DNAH8: variants seen among roughly 807,000 people sequenced by gnomAD.
DNAH8 encodes dynein axonemal heavy chain 8.
Under a neutral mutation model 562.1 loss-of-function variants are expected in DNAH8, and 382 were observed. The observed-to-expected ratio is 0.68, with a 90% CI of 0.63 to 0.74. The LOEUF (loss-of-function observed/expected upper bound fraction) is 0.74, where lower values mean the gene tolerates loss of function less well. Among genes scored for constraint, DNAH8 ranks in the 30% least tolerant of loss-of-function variants. The pLI is 0.00. For synonymous variants in DNAH8, 1,881 were observed against 1,919.4 expected, an observed-to-expected ratio of 0.98 and a Z score of 0.52; for missense variants, 5,203 against 5,620.4, an observed-to-expected ratio of 0.93 and a Z score of 2.37.
At chr6:38,878,254 A>C (rs1037193361) in intron 53 of DNAH8, among the ~76,000 whole-genome samples, 20 of 152,242 alleles carry the variant, frequency 1.3e-4, no homozygotes, top group African/African-American at 4.8e-4. Flanking sequence ...GCTTCAGCCC[A>C]AAACAGCAGA....
chr6:38,944,697 C>T (rs185973530), intron 79 of DNAH8, among the ~76,000 whole-genome samples: 1 of 152,306 alleles, frequency 6.6e-6, no homozygotes, highest in East Asian at 1.9e-4. Context: ...AACTCATTCT[C>T]CACTGGACTC....
rs552357174 is a variant in DNAH8 at position 38,868,140 on chromosome 6, G to A, written c.6772G>A (p.Asp2258Asn). The A allele has an allele frequency of 2.5e-5, 41 of 1,613,900 alleles. No individual in the cohort carries two copies. In the South Asian group the frequency reaches 3.4e-4, roughly 13 times the overall value. ...LGSQKRARPE[D>N]SELSIVMRGL... Reference sequence around the variant, plus strand: ...ATCTCAAAAAAGAGCCAGACCAGAAGATAGTGAATTAAGCATTGTCATGAG... The same window carrying A: ...ATCTCAAAAAAGAGCCAGACCAGAAAATAGTGAATTAAGCATTGTCATGAG... Residue 2258 changes from aspartate to asparagine, a missense_variant, in exon 48 of 93, where the codon GAT becomes AAT. Coordinates refer to ENST00000327475, the MANE Select transcript of DNAH8 (RefSeq NM_001206927.2).
At chr6:38,762,960 A>T (rs1766664372) in intron 11 of DNAH8, 1 of 336,652 alleles carries the variant, frequency 3.0e-6, no homozygotes, top group African/African-American at 2.2e-5. Flanking sequence ...GATCCCAAGG[A>T]CTGGAAGAAT....
chr6:39,016,136 T>C (rs1766550681), intron 91 of DNAH8, among the ~76,000 whole-genome samples: 3 of 152,214 alleles, frequency 2.0e-5, no homozygotes, highest in Admixed American at 1.3e-4. Flanking sequence ...CTATTTGACA[T>C]CAACAGTTGA....
intron 18 of DNAH8, among the ~76,000 whole-genome samples, chr6:38,788,189 G>A (rs534009814): frequency 6.7e-6 from 1 of 149,066 alleles, no homozygotes; most frequent in East Asian, 2.0e-4. Context: ...GTCTTGCTCT[G>A]TTGCCAGGCT....
At chr6:38,868,294 C>T (rs1777214121) in intron 48 of DNAH8, 98 bp downstream of exon 48, 2 of 1,198,726 alleles carry the variant, frequency 1.7e-6, no homozygotes, top group African/African-American at 1.5e-5. Flanking sequence ...CTGTGAGCAC[C>T]CATAATTACA....
At chr6:38,938,674 G>C (rs1310129019) in intron 78 of DNAH8, 124 bp from the exon 79 acceptor site, 3 of 669,820 alleles carry the variant, frequency 4.5e-6, no homozygotes, top group Non-Finnish European at 7.6e-6. Context: ...GAATTAATCT[G>C]TGCAACAAAC....
chr6:38,772,331 G>T (rs563688268), intron 12 of DNAH8, among the ~76,000 whole-genome samples: 1 of 152,050 alleles, frequency 6.6e-6, no homozygotes, highest in Admixed American at 6.6e-5. Flanking sequence ...CCCAGCTGAG[G>T]TTTATGATTT....
chr6:38,715,960 AT>A (rs869120118), intron 1 of DNAH8, among the ~76,000 whole-genome samples: 329 of 23,590 alleles, frequency 0.014, 22 homozygotes, highest in Admixed American at 0.026. Flanking sequence ...ATATATATAT[AT>A]TTTTTTTTTT....
chr6:38,873,881 G>C (rs924018112), intron 52 of DNAH8, among the ~76,000 whole-genome samples: 6 of 151,966 alleles, frequency 3.9e-5, no homozygotes, highest in African/African-American at 1.4e-4. Flanking sequence ...AAAGGGGCCT[G>C]TTGCAATCAA....
At chr6:38,893,588 G>T (rs1045380625) in intron 58 of DNAH8, among the ~76,000 whole-genome samples, 1 of 152,140 alleles carries the variant, frequency 6.6e-6, no homozygotes, top group Non-Finnish European at 1.5e-5. Flanking sequence ...TTACATTTTA[G>T]TGGGTAGGAT....
At chr6:38,896,353 TGCTTGAGCCTGGGA>T (rs2150498762) in intron 60 of DNAH8, 128 bp downstream of exon 60, 1 of 722,352 alleles carries the variant, frequency 1.4e-6, no homozygotes, top group Admixed American at 2.8e-5. Context: ...GTGGGAGGAT[TGCTTGAGCCTGGGA>T]GTTTGAGACC....
chr6:38,909,550 A>T lies in DNAH8; in HGVS notation c.9546A>T (p.Lys3182Asn), dbSNP rs1175338861. The change falls in exon 65 of 93, where the codon AAA (lysine) becomes AAT (asparagine). Residue 3182 changes from lysine (K) to asparagine (N), a missense_variant. This residue lies in a region of DNAH8 where 977 missense variants were observed against 1,061.8 expected (regional missense o/e 0.92). Coordinates refer to ENST00000327475, the MANE Select transcript of DNAH8 (RefSeq NM_001206927.2). Reference protein sequence around the residue: ...VGEKFRARSLKFPGLISGCTM... With the variant: ...VGEKFRARSLNFPGLISGCTM... ...AGAAGTTCCGTGCCCGTTCTTTGAA[A>T]TTTCCTGGCTTGATATCAGGTTGCA... is the stretch of plus-strand genomic sequence containing the variant. 12 of 1,613,968 alleles carry T rather than the reference A, an allele frequency of 7.4e-6. No homozygotes were observed. Among genetic ancestry groups the T allele is most frequent in the African/African-American group, 1.3e-5 (1 of 74,904 alleles).
In DNAH8 at chr6:38,938,844, G is replaced by A. The variant is rs773889028; in HGVS notation, c.11863G>A (p.Glu3955Lys). ...TCAAAAGAGAATTACAAATATTATC[G>A]AGTACCTGACATATGAAGTTTTTAC... ...LPQKRITNII[E>K]YLTYEVFTYS... is the part of the protein sequence containing the mutation. Residue 3955 changes from glutamate to lysine, a missense_variant, in exon 79 of 93, where the codon GAG (glutamate) becomes AAG (lysine). This residue lies in a region of DNAH8 where 1,399 missense variants were observed against 1,518.4 expected (regional missense o/e 0.92). Coordinates refer to ENST00000327475, the MANE Select transcript of DNAH8 (RefSeq NM_001206927.2). 8.7e-6 allele frequency: 14 copies of A among 1,612,502 alleles called. No homozygotes were observed. Among genetic ancestry groups the A allele is most frequent in the Non-Finnish European group, 4.2e-6 (5 of 1,179,126 alleles).
At chr6:38,892,107 C>A (rs1321061330) in intron 58 of DNAH8, among the ~76,000 whole-genome samples, 3 of 152,138 alleles carry the variant, frequency 2.0e-5, no homozygotes, top group Non-Finnish European at 1.5e-5. Context: ...AGTGCACTGG[C>A]TACCTCATTA....
At chr6:38,944,672 T>A (rs544451038) in intron 79 of DNAH8, among the ~76,000 whole-genome samples, 92 of 152,382 alleles carry the variant, frequency 6.0e-4, no homozygotes, top group Non-Finnish European at 1.1e-3. Context: ...TGCTTCAGAA[T>A]ATGATCAATG....
At chr6:38,921,336 G>A (rs1781689196) in intron 70 of DNAH8, 33 bp from the exon 71 acceptor site, 2 of 1,606,644 alleles carry the variant, frequency 1.2e-6, no homozygotes, top group Admixed American at 1.7e-5. Flanking sequence ...GTTTCATGCA[G>A]CTAATACACT....
At chr6:38,819,455 GT>G (rs1361398117) in intron 26 of DNAH8, among the ~76,000 whole-genome samples, 23 of 151,914 alleles carry the variant, frequency 1.5e-4, no homozygotes, top group African/African-American at 4.8e-4. Flanking sequence ...TTTTATATAT[GT>G]TTCTGTAAGT....
At chr6:38,832,456 C>T (rs1198551981) in intron 31 of DNAH8, 21 bp downstream of exon 31, 10 of 1,415,502 alleles carry the variant, frequency 7.1e-6, no homozygotes, top group Non-Finnish European at 1.0e-5. Flanking sequence ...TATTTTCTTG[C>T]TGTATGTTGA....
Sources: gnomAD v4.1 joint callset for allele counts (sites outside exome capture counted in the v4.1 genomes callset) on GRCh38, gnomAD v4.1.1 for gene constraint, gnomAD v4.1.1 regional missense constraint, MANE v1.5 for transcripts, NCBI Gene and HGNC (gene_info 2026-07-23, HGNC 2026-07-21) for gene names.